Variants in CFAP299 observed in about 807,000 individuals in gnomAD.
CFAP299 encodes cilia and flagella associated protein 299.
In CFAP299, 21 loss-of-function variants were observed where a neutral mutation model predicts 27.0. That is an observed-to-expected ratio of 0.78 (90% CI 0.55 to 1.12). The LOEUF is 1.12. Ranked by LOEUF, CFAP299 falls within the 50% of genes most tolerant of loss-of-function variation. The pLI, the probability that CFAP299 is intolerant of heterozygous loss-of-function variation, is 0.00. For synonymous variants in CFAP299, 104 were observed against 98.1 expected, an observed-to-expected ratio of 1.06 and a Z score of -0.36; for missense variants, 310 against 276.6, an observed-to-expected ratio of 1.12 and a Z score of -0.86.
chr4:80,612,837 G>A (rs1395418843), intron 3 of CFAP299, among the ~76,000 whole-genome samples: 2 of 151,964 alleles, frequency 1.3e-5, no homozygotes, highest in Non-Finnish European at 2.9e-5. Context: ...TTGTGGCCTT[G>A]GGCACTCACT....
intron 3 of CFAP299, among the ~76,000 whole-genome samples, chr4:80,747,105 T>C (rs1252742134): frequency 6.6e-6 from 1 of 152,056 alleles, no homozygotes; most frequent in Non-Finnish European, 1.5e-5. Context: ...TAATTTGGTT[T>C]TGTAAGAAGT....
chr4:80,756,405 T>C (rs961578446), intron 3 of CFAP299, among the ~76,000 whole-genome samples: 3 of 152,116 alleles, frequency 2.0e-5, no homozygotes, highest in Non-Finnish European at 2.9e-5. Flanking sequence ...ATTCAACAAA[T>C]GAAATCAGTT....
chr4:80,603,669 A>G (rs956067658), intron 3 of CFAP299, among the ~76,000 whole-genome samples: 2 of 152,190 alleles, frequency 1.3e-5, no homozygotes, highest in African/African-American at 2.4e-5. Context: ...TTGTTTTTTA[A>G]TTTAGAAAAA....
intron 2 of CFAP299, among the ~76,000 whole-genome samples, chr4:80,430,674 A>G (rs1727768240): frequency 6.6e-6 from 1 of 152,030 alleles, no homozygotes; most frequent in Admixed American, 6.6e-5. Flanking sequence ...CCTCCTCTTG[A>G]CTATCTAGTA....
At chr4:80,852,287 G>A (rs1470524965) in intron 3 of CFAP299, among the ~76,000 whole-genome samples, 1 of 152,026 alleles carries the variant, frequency 6.6e-6, no homozygotes, top group African/African-American at 2.4e-5. Context: ...GCAAATTCTT[G>A]GACATCATCC....
At chr4:80,799,828 A>G (rs1365716171) in intron 3 of CFAP299, among the ~76,000 whole-genome samples, 1 of 33,498 alleles carries the variant, frequency 3.0e-5, no homozygotes, top group African/African-American at 1.4e-4. Flanking sequence ...TATTATATAT[A>G]TTTATATATT....
At chr4:80,400,532 T>G (rs1726097172) in intron 2 of CFAP299, among the ~76,000 whole-genome samples, 1 of 152,156 alleles carries the variant, frequency 6.6e-6, no homozygotes, top group Admixed American at 6.5e-5. Flanking sequence ...GATTTCTGTT[T>G]TTGCTTCTTC....
At chr4:80,504,015 G>A (rs544122668) in intron 2 of CFAP299, among the ~76,000 whole-genome samples, 19 of 152,048 alleles carry the variant, frequency 1.2e-4, no homozygotes, top group Admixed American at 4.6e-4. Context: ...GAATTTTATA[G>A]GATGGTACTT....
intron 3 of CFAP299, among the ~76,000 whole-genome samples, chr4:80,860,522 T>C (rs929004254): frequency 5.3e-5 from 8 of 152,170 alleles, no homozygotes; most frequent in African/African-American, 1.9e-4. Flanking sequence ...CTCTGTTTTT[T>C]CCCCATCTTT....
chr4:80,510,074 T>C (rs1014022022), intron 2 of CFAP299, among the ~76,000 whole-genome samples: 11 of 152,126 alleles, frequency 7.2e-5, no homozygotes, highest in African/African-American at 2.7e-4. Flanking sequence ...AATTTGAACA[T>C]GGCACCTGAC....
intron 3 of CFAP299, among the ~76,000 whole-genome samples, chr4:80,770,147 A>G (rs1429192399): frequency 1.3e-5 from 2 of 152,222 alleles, no homozygotes; most frequent in African/African-American, 2.4e-5. Context: ...TTCAGCTAAT[A>G]TAATGTTCTC....
At chr4:80,389,611 G>C (rs1725218365) in intron 2 of CFAP299, among the ~76,000 whole-genome samples, 1 of 152,128 alleles carries the variant, frequency 6.6e-6, no homozygotes, top group South Asian at 2.1e-4. Context: ...ATGTTTATTT[G>C]AGGAGAAAGG....
At chr4:80,368,104 G>C (rs535789493) in intron 2 of CFAP299, among the ~76,000 whole-genome samples, 20 of 152,314 alleles carry the variant, frequency 1.3e-4, no homozygotes, top group South Asian at 4.1e-4. Context: ...TATTTTGCTA[G>C]AGCATGGTAT....
intron 3 of CFAP299, among the ~76,000 whole-genome samples, chr4:80,691,931 A>G (rs1720732288): frequency 6.6e-6 from 1 of 152,152 alleles, no homozygotes; most frequent in Admixed American, 6.5e-5. Flanking sequence ...TCATGAGTGA[A>G]CTTCCATTCA....
At chr4:80,684,044 T>A (rs1720015065) in intron 3 of CFAP299, among the ~76,000 whole-genome samples, 1 of 152,216 alleles carries the variant, frequency 6.6e-6, no homozygotes, top group African/African-American at 2.4e-5. Context: ...AAACTGAAGT[T>A]CTGTTGACTC....
intron 2 of CFAP299, among the ~76,000 whole-genome samples, chr4:80,561,464 A>G (rs1365616913): frequency 6.6e-6 from 1 of 152,164 alleles, no homozygotes; most frequent in Non-Finnish European, 1.5e-5. Flanking sequence ...CATCAAATGA[A>G]CTAAATAAGG....
At chr4:80,355,434 T>G (rs1334814840) in intron 1 of CFAP299, among the ~76,000 whole-genome samples, 5 of 139,950 alleles carry the variant, frequency 3.6e-5, no homozygotes, top group Non-Finnish European at 7.6e-5. Context: ...CTCGGCTCAC[T>G]GCAACCTCCG....
intron 4 of CFAP299, among the ~76,000 whole-genome samples, chr4:80,878,135 T>A (rs1356905787): frequency 6.6e-6 from 1 of 152,184 alleles, no homozygotes; most frequent in Non-Finnish European, 1.5e-5. Context: ...CATCATTCAA[T>A]GTATAAAAAT....
intron 2 of CFAP299, among the ~76,000 whole-genome samples, chr4:80,474,983 A>G (rs1055747900): frequency 3.3e-5 from 5 of 152,198 alleles, no homozygotes; most frequent in African/African-American, 1.2e-4. Flanking sequence ...CAGTGTATTT[A>G]GGGAAAGCCC....
Sources: allele counts gnomAD v4.1 joint callset (sites outside exome capture counted in the v4.1 genomes callset), GRCh38; gene constraint gnomAD v4.1.1; transcripts MANE v1.5; gene names NCBI Gene and HGNC (gene_info 2026-07-23, HGNC 2026-07-21).